Variants in PRDM10 observed in about 807,000 individuals in gnomAD.
PRDM10 encodes PR/SET domain 10.
Under a neutral mutation model 133.1 loss-of-function variants are expected in PRDM10, and 65 were observed. The ratio of observed to expected loss-of-function variants is 0.49; its 90% CI spans 0.40 to 0.60. The LOEUF is 0.60. Among genes scored for constraint, PRDM10 ranks in the 20% least tolerant of loss-of-function variants. PRDM10 has a pLI of 0.00. For missense variants in PRDM10, 1,137 were observed against 1,507.1 expected (o/e 0.75, Z 4.07); for synonymous variants, 582 against 580.4 (o/e 1.00, Z -0.04).
At chr11:129,948,816 TACA>T (rs1951501778) in intron 4 of PRDM10, among the ~76,000 whole-genome samples, 1 of 152,230 alleles carries the variant, frequency 6.6e-6, no homozygotes, top group Admixed American at 6.5e-5. Context: ...TTTTTATTAA[TACA>T]ACATCAGGGT....
intron 1 of PRDM10, among the ~76,000 whole-genome samples, chr11:129,987,305 G>A (rs1233747486): frequency 6.6e-6 from 1 of 152,056 alleles, no homozygotes; most frequent in Non-Finnish European, 1.5e-5. Context: ...TGATACTCTG[G>A]TTTCTATTAT....
chr11:129,912,474 G>A (rs754819447), intron 17 of PRDM10, among the ~76,000 whole-genome samples: 4 of 152,152 alleles, frequency 2.6e-5, no homozygotes, highest in South Asian at 2.1e-4. Context: ...GTGAATGGCC[G>A]GGCGCCGTGG....
At chr11:129,972,168 G>A (rs1952045447) in intron 1 of PRDM10, among the ~76,000 whole-genome samples, 1 of 152,264 alleles carries the variant, frequency 6.6e-6, no homozygotes, top group South Asian at 2.1e-4. Flanking sequence ...GCCCGCAAGC[G>A]CCGCGCGCAG....
At chr11:129,989,426 G>A (rs1177366267) in intron 1 of PRDM10, among the ~76,000 whole-genome samples, 1 of 152,224 alleles carries the variant, frequency 6.6e-6, no homozygotes, top group Non-Finnish European at 1.5e-5. Context: ...TCACAAGACA[G>A]CTGGTGGGGG....
intron 6 of PRDM10, among the ~76,000 whole-genome samples, chr11:129,943,949 A>G (rs1009096758): frequency 2.6e-5 from 4 of 152,118 alleles, no homozygotes; most frequent in African/African-American, 9.7e-5. Flanking sequence ...CTGAGATTGC[A>G]CCACTGCACT....
chr11:129,987,166 T>C (rs923238899), intron 1 of PRDM10, among the ~76,000 whole-genome samples: 6 of 152,328 alleles, frequency 3.9e-5, no homozygotes, highest in Admixed American at 3.9e-4. Flanking sequence ...AGCTTCAGAA[T>C]AATACTTTTA....
intron 2 of PRDM10, among the ~76,000 whole-genome samples, chr11:129,959,633 A>G (rs1951758151): frequency 6.6e-6 from 1 of 152,216 alleles, no homozygotes; most frequent in Admixed American, 6.5e-5. Flanking sequence ...TTAATGAACT[A>G]CAATTTTATT....
intron 13 of PRDM10, among the ~76,000 whole-genome samples, chr11:129,920,101 G>T (rs569637841): frequency 6.6e-6 from 1 of 151,862 alleles, no homozygotes; most frequent in Non-Finnish European, 1.5e-5. Flanking sequence ...AACTCCTCTC[G>T]CATTCCCACT....
At chr11:129,986,058 T>G (rs1453111550) in intron 1 of PRDM10, among the ~76,000 whole-genome samples, 1 of 151,942 alleles carries the variant, frequency 6.6e-6, no homozygotes, top group East Asian at 1.9e-4. Flanking sequence ...TGGCAGAGTC[T>G]GGGGTGTGTG....
At chr11:129,933,207 C>T (rs1412653850) in intron 9 of PRDM10, among the ~76,000 whole-genome samples, 2 of 152,178 alleles carry the variant, frequency 1.3e-5, no homozygotes, top group African/African-American at 2.4e-5. Flanking sequence ...AATAATTTAA[C>T]AAATACTATA....
Position 129,918,863 on chromosome 11 carries a change from A to G in PRDM10, c.2035-145T>C. 2 of 809,866 alleles carry G rather than the reference A, an allele frequency of 2.5e-6. No homozygotes were observed. Among genetic ancestry groups the G allele is most frequent in the South Asian group, 1.8e-5 (1 of 56,942 alleles). 50.2% of individuals were successfully genotyped at this position (809,866 alleles called of 1,614,324 possible). A position where few individuals can be genotyped will look rare whatever the true frequency, so the allele number is the denominator to read the frequency against. On this transcript the variant is annotated intron_variant, in intron 13 of 20. Transcript: ENST00000360871. This position sits in a 1 kb window ranked among gnomAD's most constrained non-coding sequence, Gnocchi z 5.3. ...GAGTTGCTGGAACACTAGGACGCAG[A>G]CATGTTAAAAGTGGCTGGGAGTTAC...
At position 129,947,569 on chromosome 11, in the gene PRDM10, G is replaced by C; in HGVS notation, c.295-199C>G. On this transcript the variant is annotated intron_variant, in intron 4 of 20. Coordinates refer to ENST00000360871, the MANE Select transcript of PRDM10 (RefSeq NM_199437.2). The surrounding 1 kb of genome is among the most constrained non-coding windows in gnomAD (Gnocchi z 4.6). ...TTCATTTTTGATCTGACTGCTCACA[G>C]CCTTTAAGCCTCTGCCCTCCCTCTG... 1.4e-6 allele frequency: 2 copies of C among 1,436,512 alleles called. No individual in the cohort carries two copies. Among genetic ancestry groups the C allele is most frequent in the Non-Finnish European group, 1.8e-6 (2 of 1,097,920 alleles). 89.0% of individuals were successfully genotyped at this position (1,436,512 alleles called of 1,614,324 possible).
chr11:129,961,372 T>A (rs1372063759), intron 1 of PRDM10, among the ~76,000 whole-genome samples: 1 of 151,352 alleles, frequency 6.6e-6, no homozygotes, highest in Non-Finnish European at 1.5e-5. Context: ...TGGCACAATC[T>A]AGGCTCACTG....
chr11:129,994,964 T>C (rs1938970597), intron 1 of PRDM10, among the ~76,000 whole-genome samples: 1 of 152,194 alleles, frequency 6.6e-6, no homozygotes, highest in Non-Finnish European at 1.5e-5. Flanking sequence ...ACATAAACTT[T>C]CTTAAAATGT....
chr11:129,932,004 A>G (rs766803871), intron 10 of PRDM10, 98 bp downstream of exon 10: 113 of 1,416,146 alleles, frequency 8.0e-5, no homozygotes, highest in Non-Finnish European at 1.0e-4. Context: ...GGAAAGGTCT[A>G]CAAACATTGG....
At position 129,964,642 on chromosome 11, in the gene PRDM10, T is replaced by C. The variant is rs7123191; in HGVS notation, c.-118-3560A>G. Reference sequence around the variant, plus strand: ...CCATATATATACAGACATTCCTCATTCTTCATTACAGCTGCATATTTTTAA... The same window carrying C: ...CCATATATATACAGACATTCCTCATCCTTCATTACAGCTGCATATTTTTAA... On this transcript the variant is annotated intron_variant, in intron 1 of 20. Transcript: ENST00000360871. 9.6e-3 allele frequency among the ~76,000 whole-genome samples: 1,467 copies of C among 152,336 alleles called. 20 individuals are homozygous for C. Among genetic ancestry groups the C allele is most frequent in the African/African-American group, 0.029 (1,221 of 41,572 alleles).
rs925540535 is a variant in PRDM10 at position 129,945,192 on chromosome 11, G to C, written c.521-180C>G. On this transcript the variant is annotated intron_variant, in intron 5 of 20. Coordinates refer to ENST00000360871, the MANE Select transcript of PRDM10 (RefSeq NM_199437.2). The surrounding 1 kb of genome is among the most constrained non-coding windows in gnomAD (Gnocchi z 4.2). ...TCTCTGGGAGACCAGTAAAAATCCT[G>C]TAATTCTCCTCTAAAATCAGACAGA... Among the ~76,000 whole-genome samples the C allele has an allele frequency of 6.6e-6, 1 of 152,140 alleles. No homozygotes were observed. The highest frequency in any genetic ancestry group is 1.5e-5 in the Non-Finnish European group (1 of 68,028).
At chr11:129,962,814 A>G (rs952473088) in intron 1 of PRDM10, among the ~76,000 whole-genome samples, 5 of 152,188 alleles carry the variant, frequency 3.3e-5, no homozygotes, top group African/African-American at 1.2e-4. Flanking sequence ...TATATAAACT[A>G]TATCTCAACA....
rs1421330677 is a variant in PRDM10 at position 129,947,967 on chromosome 11, T to G, written c.295-597A>C. 6.7e-6 allele frequency: 3 copies of G among 449,430 alleles called. No individual in the cohort carries two copies. The highest frequency in any genetic ancestry group is 1.3e-5 in the Non-Finnish European group (3 of 223,678). The allele number at this position is 449,430 out of a possible 1,614,324, so 27.8% of individuals were successfully genotyped here. A position where few individuals can be genotyped will look rare whatever the true frequency, so the allele number is the denominator to read the frequency against. On this transcript the variant is annotated intron_variant, in intron 4 of 20. Coordinates refer to ENST00000360871, the MANE Select transcript of PRDM10 (RefSeq NM_199437.2). This position sits in a 1 kb window ranked among gnomAD's most constrained non-coding sequence, Gnocchi z 4.6. ...TCCTCAACCACTTGTCTTTTAAAACTAAACACGTCGTGCAACACATGGTTA... is the reference window on the plus strand; with the variant it reads ...TCCTCAACCACTTGTCTTTTAAAACGAAACACGTCGTGCAACACATGGTTA...
Sources: gnomAD v4.1 joint callset for allele counts (sites outside exome capture counted in the v4.1 genomes callset) on GRCh38, gnomAD v4.1.1 for gene constraint, Gnocchi (gnomAD v3.1) non-coding constraint, MANE v1.5 for transcripts, NCBI Gene and HGNC (gene_info 2026-07-23, HGNC 2026-07-21) for gene names.